The following GFRA2 variants were observed in gnomAD, a reference collection of about 807,000 sequenced individuals.
The protein encoded by GFRA2 is GDNF family receptor alpha 2, also known as GDNF family receptor alpha-2.
A neutral mutation model predicts 48.3 loss-of-function variants in GFRA2; 17 were observed. The ratio of observed to expected loss-of-function variants is 0.35; its 90% CI spans 0.24 to 0.53. The LOEUF (loss-of-function observed/expected upper bound fraction) is 0.53. GFRA2 is among the 20% of genes least tolerant of loss of function. The pLI, the probability that GFRA2 is intolerant of heterozygous loss-of-function variation, is 0.93. For missense variants in GFRA2, 660 were observed against 637.3 expected (o/e 1.04, Z -0.38); for synonymous variants, 305 against 257.2 (o/e 1.19, Z -1.78).
In GFRA2 at chr8:21,705,145, G is replaced by T. The variant is rs1246466589; in HGVS notation, c.905-20C>A. ...CAAACCCTGGGCAGGAAGAAAGGTG[G>T]GGGAGAGGAGAGAGGTACGGTGGGG... On this transcript the variant is annotated intron_variant, in intron 5 of 8. Coordinates refer to ENST00000524240, the MANE Select transcript of GFRA2 (RefSeq NM_001495.5). The T allele has an allele frequency of 6.2e-7, 1 of 1,601,082 alleles. No individual in the cohort carries two copies. The highest frequency in any genetic ancestry group is 1.3e-5 in the African/African-American group (1 of 74,732).
chr8:21,751,257 T>C (rs1203623397), intron 3 of GFRA2, among the ~76,000 whole-genome samples: 2 of 152,096 alleles, frequency 1.3e-5, no homozygotes, highest in Non-Finnish European at 2.9e-5. Context: ...AGCAACCAGG[T>C]GTGTATGGCC....
chr8:21,721,628 C>G (rs545644054), intron 4 of GFRA2, among the ~76,000 whole-genome samples: 34 of 152,302 alleles, frequency 2.2e-4, no homozygotes, highest in Non-Finnish European at 3.5e-4. Context: ...AAAACTAGCT[C>G]TGAAAAATAG....
intron 3 of GFRA2, among the ~76,000 whole-genome samples, chr8:21,758,039 C>T (rs1396632876): frequency 6.6e-6 from 1 of 152,192 alleles, no homozygotes; most frequent in Admixed American, 6.5e-5. Flanking sequence ...AGAAAAGGCA[C>T]TTGACCTCTG....
intron 1 of GFRA2, chr8:21,783,106 C>G (rs1807095202): frequency 2.9e-6 from 2 of 697,844 alleles, no homozygotes; most frequent in Admixed American, 2.0e-5. Flanking sequence ...AGTTTTCTCC[C>G]TTTGCACTCC....
chr8:21,807,221 C>G (rs1188324103), intron 1 of GFRA2, among the ~76,000 whole-genome samples: 1 of 152,150 alleles, frequency 6.6e-6, no homozygotes, highest in Admixed American at 6.5e-5. Flanking sequence ...GGATTAATGT[C>G]ATTATTGAGA....
chr8:21,782,552 C>A, intron 2 of GFRA2, 33 bp downstream of exon 2: 6 of 1,505,152 alleles, frequency 4.0e-6, no homozygotes, highest in Non-Finnish European at 5.4e-6. Context: ...GCGCCACACC[C>A]CCTCCCCTTG....
intron 1 of GFRA2, among the ~76,000 whole-genome samples, chr8:21,787,529 C>A (rs1309960104): frequency 3.9e-5 from 6 of 152,148 alleles, no homozygotes; most frequent in African/African-American, 1.4e-4. Flanking sequence ...GGAGTGGAGC[C>A]GCCGGTTAGG....
intron 2 of GFRA2, among the ~76,000 whole-genome samples, chr8:21,794,391 C>G (rs987594377): frequency 6.6e-6 from 1 of 151,982 alleles, no homozygotes; most frequent in Admixed American, 6.5e-5. Context: ...GCTGAGATTA[C>G]AGGCACCCAC....
upstream of GFRA2, among the ~76,000 whole-genome samples, chr8:21,789,640 G>T (rs1368432761): frequency 3.3e-5 from 5 of 151,920 alleles, no homozygotes; most frequent in African/African-American, 1.2e-4. Flanking sequence ...GCATCCTGCC[G>T]GCCCCGGCCT....
chr8:21,758,270 G>T (rs578097470), intron 3 of GFRA2, among the ~76,000 whole-genome samples: 1 of 151,900 alleles, frequency 6.6e-6, no homozygotes, highest in African/African-American at 2.4e-5. Flanking sequence ...CTTCACAGAC[G>T]GTGGTCTGTG....
intron 4 of GFRA2, among the ~76,000 whole-genome samples, chr8:21,735,464 A>G (rs905178918): frequency 6.6e-6 from 1 of 151,762 alleles, no homozygotes; most frequent in Non-Finnish European, 1.5e-5. Flanking sequence ...CACACAGGAG[A>G]TGAGGCAGAG....
At chr8:21,739,955 T>C (rs1030749895) in intron 4 of GFRA2, among the ~76,000 whole-genome samples, 5 of 152,224 alleles carry the variant, frequency 3.3e-5, no homozygotes, top group African/African-American at 9.6e-5. Context: ...CTTTTAGCCA[T>C]AGCAGGAGAA....
At chr8:21,711,694 T>C (rs1326031528) in intron 4 of GFRA2, among the ~76,000 whole-genome samples, 1 of 151,934 alleles carries the variant, frequency 6.6e-6, no homozygotes, top group African/African-American at 2.4e-5. Flanking sequence ...TTTTCTTTTT[T>C]TTTTTTTTTG....
At chr8:21,728,282 T>TTG (rs1224654808) in intron 4 of GFRA2, among the ~76,000 whole-genome samples, 2 of 140,650 alleles carry the variant, frequency 1.4e-5, no homozygotes, top group East Asian at 4.2e-4. Flanking sequence ...TTTTTTTTTT[T>TTG]TTTTTTTTTT....
chr8:21,706,121 C>T, intron 4 of GFRA2, 80 bp from the exon 5 acceptor site: 1 of 876,170 alleles, frequency 1.1e-6, no homozygotes, highest in Non-Finnish European at 1.8e-6. Flanking sequence ...CTGCCAGTGG[C>T]ATCTCCTCCC....
chr8:21,790,189 G>C (rs751291519), upstream of GFRA2: 1 of 736,316 alleles, frequency 1.4e-6, no homozygotes, highest in Non-Finnish European at 1.7e-6. Context: ...GAGAGCGGGA[G>C]AGGCGCGGGG....
At chr8:21,752,686 A>T (rs2117603766) in intron 3 of GFRA2, among the ~76,000 whole-genome samples, 5 of 152,174 alleles carry the variant, frequency 3.3e-5, no homozygotes, top group African/African-American at 1.2e-4. Context: ...TGCAAGCCTA[A>T]TACCCAAATC....
intron 7 of GFRA2, among the ~76,000 whole-genome samples, chr8:21,695,230 G>A (rs984755986): frequency 2.0e-5 from 3 of 152,202 alleles, no homozygotes; most frequent in Non-Finnish European, 2.9e-5. Context: ...TGGATGCAGG[G>A]CCAGAGGGCG....
At chr8:21,792,893 C>T (rs1807600712), upstream of GFRA2, among the ~76,000 whole-genome samples, 2 of 151,660 alleles carry the variant, frequency 1.3e-5, no homozygotes, top group East Asian at 1.9e-4. Context: ...GGTGAAACCC[C>T]GTTTCTGCAA....
Sources: allele counts gnomAD v4.1 joint callset (sites outside exome capture counted in the v4.1 genomes callset), GRCh38; gene constraint gnomAD v4.1.1; transcripts MANE v1.5; gene names NCBI Gene and HGNC (gene_info 2026-07-23, HGNC 2026-07-21).